The following TMEM132B variants were observed in gnomAD, a reference collection of about 807,000 sequenced individuals.
TMEM132B encodes transmembrane protein 132B.
TMEM132B carries 18 observed loss-of-function variants against 90.8 expected under a neutral mutation model. The ratio of observed to expected loss-of-function variants is 0.20; its 90% CI spans 0.14 to 0.29. TMEM132B has a LOEUF of 0.29. TMEM132B is among the 10% of genes least tolerant of loss of function. TMEM132B has a pLI of 1.00. For synonymous variants in TMEM132B, 504 were observed against 523.3 expected, an observed-to-expected ratio of 0.96 and a Z score of 0.50; for missense variants, 1,096 against 1,326.8, an observed-to-expected ratio of 0.83 and a Z score of 2.70.
chr12:125,247,676 C>T (rs1874235146), intron 1 of TMEM132B, among the ~76,000 whole-genome samples: 1 of 152,154 alleles, frequency 6.6e-6, no homozygotes, highest in Non-Finnish European at 1.5e-5. Context: ...CAGAGCACAG[C>T]AGCCCCCTGA....
chr12:125,205,281 C>A (rs946903849), intron 1 of TMEM132B, among the ~76,000 whole-genome samples: 10 of 148,828 alleles, frequency 6.7e-5, no homozygotes, highest in African/African-American at 2.5e-4. Flanking sequence ...TCTTGTGAAT[C>A]CTTTTGGTGA....
chr12:125,631,268 G>A (rs1377927873), intron 5 of TMEM132B, among the ~76,000 whole-genome samples: 1 of 151,920 alleles, frequency 6.6e-6, no homozygotes, highest in Non-Finnish European at 1.5e-5. Context: ...GGAGCATGTT[G>A]TTTAATTTCC....
chr12:125,415,471 A>G lies in TMEM132B; in HGVS notation c.960-60A>G. On this transcript the variant is annotated intron_variant, in intron 2 of 8. Coordinates refer to ENST00000682704, the MANE Select transcript of TMEM132B (RefSeq NM_001366854.1). The surrounding 1 kb of genome is among the most constrained non-coding windows in gnomAD (Gnocchi z 5.3). ...ATCTGCTCTCGTGCCATCTTTTACT[A>G]CCTGTTTCAAACTAAAATGGTTTTA... The G allele has an allele frequency of 6.3e-7, 1 of 1,584,548 alleles. No individual in the cohort carries two copies.
At chr12:125,321,795 A>T (rs529684160) in intron 1 of TMEM132B, among the ~76,000 whole-genome samples, 2 of 152,062 alleles carry the variant, frequency 1.3e-5, no homozygotes, top group African/African-American at 4.8e-5. Flanking sequence ...CAGTTTGCTT[A>T]AAAGTTAAGA....
chr12:125,461,381 C>A (rs1292290384), intron 3 of TMEM132B, among the ~76,000 whole-genome samples: 1 of 152,208 alleles, frequency 6.6e-6, no homozygotes. Context: ...CAGGGTCAAA[C>A]CCACACATGC....
intron 3 of TMEM132B, among the ~76,000 whole-genome samples, chr12:125,422,667 G>A (rs550916190): frequency 5.3e-4 from 80 of 152,320 alleles, no homozygotes; most frequent in African/African-American, 1.9e-3. Flanking sequence ...TAAATCCAAG[G>A]ACTGGTGTCG....
intron 5 of TMEM132B, among the ~76,000 whole-genome samples, chr12:125,624,213 T>A (rs998446922): frequency 6.6e-6 from 1 of 152,138 alleles, no homozygotes; most frequent in Non-Finnish European, 1.5e-5. Flanking sequence ...GTGCAAAGCA[T>A]CATGATCAGA....
chr12:125,241,659 G>A (rs982128728), intron 1 of TMEM132B, among the ~76,000 whole-genome samples: 31 of 152,298 alleles, frequency 2.0e-4, no homozygotes, highest in African/African-American at 6.3e-4. Context: ...CAGAGGAAGC[G>A]TGGTTCTGCT....
At chr12:125,385,575 G>A (rs745380067) in intron 2 of TMEM132B, among the ~76,000 whole-genome samples, 1 of 152,208 alleles carries the variant, frequency 6.6e-6, no homozygotes, top group Non-Finnish European at 1.5e-5. Flanking sequence ...GACAAAATTT[G>A]TGTTGGACAA....
intron 5 of TMEM132B, chr12:125,588,051 G>A (rs921439348): frequency 6.6e-6 from 1 of 152,142 alleles, no homozygotes; most frequent in Non-Finnish European, 1.5e-5. Flanking sequence ...GTGCTTTTTA[G>A]ATTCCAAGAA....
chr12:125,333,687 A>G (rs1046979854), intron 1 of TMEM132B, among the ~76,000 whole-genome samples: 1 of 152,232 alleles, frequency 6.6e-6, no homozygotes, highest in African/African-American at 2.4e-5. Flanking sequence ...CTGCTGATCT[A>G]GCTGATTACT....
intron 1 of TMEM132B, among the ~76,000 whole-genome samples, chr12:125,270,149 T>TGTGTGTGTGTGTGTG (rs1555235073): frequency 3.3e-5 from 5 of 150,194 alleles, no homozygotes; most frequent in South Asian, 2.1e-4. Context: ...TGTGTGTGTG[T>TGTGTGTGTGTGTGTG]TTTAAGAGAC....
At chr12:125,327,602 C>T (rs1016628297) in intron 1 of TMEM132B, 1 of 152,228 alleles carries the variant, frequency 6.6e-6, no homozygotes, top group African/African-American at 2.4e-5. Context: ...TCTCCCATAG[C>T]AGGAGACCTT....
intron 3 of TMEM132B, among the ~76,000 whole-genome samples, chr12:125,454,905 G>A (rs562864085): frequency 1.1e-4 from 16 of 152,294 alleles, no homozygotes; most frequent in African/African-American, 3.6e-4. Context: ...GCTAATAAGA[G>A]AACTTTAAAT....
intron 1 of TMEM132B, among the ~76,000 whole-genome samples, chr12:125,252,605 G>A (rs191282695): frequency 6.6e-6 from 1 of 152,290 alleles, no homozygotes; most frequent in East Asian, 1.9e-4. Flanking sequence ...CAGTTCACCC[G>A]GAACCCCTAG....
chr12:125,252,418 T>C (rs948289294), intron 1 of TMEM132B, among the ~76,000 whole-genome samples: 9 of 152,222 alleles, frequency 5.9e-5, no homozygotes, highest in Non-Finnish European at 1.2e-4. Flanking sequence ...CTGCACTCGC[T>C]GTCTCTGGTT....
intron 3 of TMEM132B, among the ~76,000 whole-genome samples, chr12:125,423,736 A>C (rs139307218): frequency 1.0e-3 from 157 of 152,304 alleles, no homozygotes; most frequent in African/African-American, 3.4e-3. Context: ...AAAGGGTAAT[A>C]ACTGTTAATA....
At chr12:125,434,620 G>A (rs914810261) in intron 3 of TMEM132B, among the ~76,000 whole-genome samples, 3 of 152,174 alleles carry the variant, frequency 2.0e-5, no homozygotes, top group East Asian at 1.9e-4. Context: ...TACAGGAGGC[G>A]CCGGCTGTGG....
At position 125,408,678 on chromosome 12, in the gene TMEM132B, C is replaced by T. The variant is rs1476411005; in HGVS notation, c.960-6853C>T. On this transcript the variant is annotated intron_variant, in intron 2 of 8. Transcript: ENST00000682704. The surrounding 1 kb of genome is among the most constrained non-coding windows in gnomAD (Gnocchi z 5.9). ...GGCTGATGGCAGGGCTGTCGTGCAC[C>T]TTCTTGTATGTGTGTCTTGGGGAAC... Among the ~76,000 whole-genome samples the T allele has an allele frequency of 6.6e-6, 1 of 152,140 alleles. No individual in the cohort carries two copies. The highest frequency in any genetic ancestry group is 2.4e-5 in the African/African-American group (1 of 41,434).
Sources: gnomAD v4.1 joint callset for allele counts (sites outside exome capture counted in the v4.1 genomes callset) on GRCh38, gnomAD v4.1.1 for gene constraint, Gnocchi (gnomAD v3.1) non-coding constraint, MANE v1.5 for transcripts, NCBI Gene and HGNC (gene_info 2026-07-23, HGNC 2026-07-21) for gene names.